AMMECR1L: variants seen among roughly 807,000 people sequenced by gnomAD.
AMMECR1L encodes the protein AMMECR1-like protein.
A neutral mutation model predicts 36.8 loss-of-function variants in AMMECR1L; 4 were observed. The ratio of observed to expected loss-of-function variants is 0.11; its 90% CI spans 0.05 to 0.25. The LOEUF is 0.25. Among genes scored for constraint, AMMECR1L ranks in the 10% least tolerant of loss-of-function variants. The pLI, the probability that AMMECR1L is intolerant of heterozygous loss-of-function variation, is 1.00. For missense variants in AMMECR1L, 232 were observed against 392.1 expected, an observed-to-expected ratio of 0.59 and a Z score of 3.45; for synonymous variants, 147 against 148.0, an observed-to-expected ratio of 0.99 and a Z score of 0.05.
chr2:127,867,993 C>T (rs1371296822), intron 6 of AMMECR1L, among the ~76,000 whole-genome samples: 1 of 152,224 alleles, frequency 6.6e-6, no homozygotes, highest in Non-Finnish European at 1.5e-5. Context: ...CCACCTCAGC[C>T]ACCCAACTAG....
At position 127,865,636 on chromosome 2, in the gene AMMECR1L, C is replaced by A. The variant is rs556581684; in HGVS notation, c.822-431G>T. On this transcript the variant is annotated intron_variant, in intron 7 of 7. Coordinates refer to ENST00000272647, the MANE Select transcript of AMMECR1L (RefSeq NM_001199140.2). This position sits in a 1 kb window ranked among gnomAD's most constrained non-coding sequence, Gnocchi z 5.4. The stretch of plus-strand genomic sequence containing the variant: ...TTGACAGAAATGCAACCTCAATTCG[C>A]GTAAGAGCAACAAACAAGTTATTAT... 7.9e-5 allele frequency among the ~76,000 whole-genome samples: 12 copies of A among 152,296 alleles called. No individual in the cohort carries two copies. Among genetic ancestry groups the A allele is most frequent in the African/African-American group, 2.6e-4 (11 of 41,562 alleles).
chr2:127,869,340 G>A lies in AMMECR1L; in HGVS notation c.724+114C>T. 2 of 971,798 alleles carry A rather than the reference G, an allele frequency of 2.1e-6. No homozygotes were observed. The highest frequency in any genetic ancestry group is 3.8e-5 in the Admixed American group (2 of 52,212). The allele number at this position is 971,798 out of a possible 1,614,324, so 60.2% of individuals were successfully genotyped here. ...TTGACAGGTATTAAGAGGCAGAAAG[G>A]CCCTCATTCTCAGCTGCAGTTGGGC... On this transcript the variant is annotated intron_variant, in intron 6 of 7. Coordinates refer to ENST00000272647, the MANE Select transcript of AMMECR1L (RefSeq NM_001199140.2). This position sits in a 1 kb window ranked among gnomAD's most constrained non-coding sequence, Gnocchi z 4.7.
At chr2:127,870,787 CAG>C in intron 5 of AMMECR1L, 25 bp downstream of exon 5, 4 of 1,567,860 alleles carry the variant, frequency 2.6e-6, no homozygotes, top group Non-Finnish European at 3.5e-6. Flanking sequence ...ACGAGAGATG[CAG>C]AGTTCCAAAT....
At chr2:127,875,583 C>T (rs1166093360) in intron 2 of AMMECR1L, among the ~76,000 whole-genome samples, 1 of 152,200 alleles carries the variant, frequency 6.6e-6, no homozygotes, top group Admixed American at 6.5e-5. Context: ...TTCTAAACAA[C>T]TTGTCACTTT....
chr2:127,874,278 CA>C lies in AMMECR1L; in HGVS notation c.-38-7del, dbSNP rs1691125008. The C allele has an allele frequency of 2.5e-6, 4 of 1,590,550 alleles. No individual in the cohort carries two copies. The highest frequency in any genetic ancestry group is 3.4e-6 in the Non-Finnish European group (4 of 1,174,128). On this transcript the variant is annotated splice_polypyrimidine_tract_variant and splice_region_variant and intron_variant, in intron 2 of 7. Coordinates refer to ENST00000272647, the MANE Select transcript of AMMECR1L (RefSeq NM_001199140.2). This position sits in a 1 kb window ranked among gnomAD's most constrained non-coding sequence, Gnocchi z 5.2. ...GTCTGGAATGCTGCAGAACCCTAAC[CA>C]AAATGAGAAGTTAAGCATTAATTTG...
At chr2:127,885,380 G>A (rs1465233330) in intron 1 of AMMECR1L, 1 of 980,538 alleles carries the variant, frequency 1.0e-6, no homozygotes, top group Non-Finnish European at 1.2e-6. Context: ...GGGCCGAGCC[G>A]CGGGGGTGGA....
At position 127,873,029 on chromosome 2, in the gene AMMECR1L, T is replaced by A; in HGVS notation, c.407+799A>T. ...GAAGAGGCTCCTTTTCTTCACACCC[T>A]CTCCATGCCCCAGCCAAGGTTTTGT... is the stretch of plus-strand genomic sequence containing the variant. On this transcript the variant is annotated intron_variant, in intron 3 of 7. Transcript: ENST00000272647. This position sits in a 1 kb window ranked among gnomAD's most constrained non-coding sequence, Gnocchi z 5.2. 1 of 985,242 alleles carries A rather than the reference T, an allele frequency of 1.0e-6. No homozygotes were observed. The highest frequency in any genetic ancestry group is 1.2e-6 in the Non-Finnish European group (1 of 829,888). The allele number at this position is 985,242 out of a possible 1,614,324, so 61.0% of individuals were successfully genotyped here. A position where few individuals can be genotyped will look rare whatever the true frequency, so the allele number is the denominator to read the frequency against.
intron 2 of AMMECR1L, among the ~76,000 whole-genome samples, chr2:127,877,896 T>C (rs1243261956): frequency 6.6e-6 from 1 of 151,844 alleles, no homozygotes; most frequent in East Asian, 1.9e-4. Flanking sequence ...CATCTGTCTC[T>C]ACATAAAATA....
intron 2 of AMMECR1L, among the ~76,000 whole-genome samples, chr2:127,875,488 T>A (rs995223236): frequency 6.6e-6 from 1 of 152,200 alleles, no homozygotes; most frequent in South Asian, 2.1e-4. Flanking sequence ...TAGGCATTGA[T>A]CTACAAATAG....
chr2:127,877,904 A>C (rs1043046354), intron 2 of AMMECR1L, among the ~76,000 whole-genome samples: 6 of 151,958 alleles, frequency 3.9e-5, no homozygotes, highest in African/African-American at 1.5e-4. Flanking sequence ...TCTACATAAA[A>C]TAAATTAGCT....
In AMMECR1L at chr2:127,865,063, G is replaced by A. The variant is rs376646470; in HGVS notation, c.*31C>T. 9.3e-5 allele frequency: 139 copies of A among 1,501,758 alleles called. No homozygotes were observed. The Middle Eastern group carries it at 1.4e-3, about 15-fold the overall frequency. The allele number at this position is 1,501,758 out of a possible 1,614,324, so 93.0% of individuals were successfully genotyped here. On this transcript the variant is annotated 3_prime_UTR_variant, in exon 8 of 8. Coordinates refer to ENST00000272647, the MANE Select transcript of AMMECR1L (RefSeq NM_001199140.2). This position sits in a 1 kb window ranked among gnomAD's most constrained non-coding sequence, Gnocchi z 5.4. Reference sequence around the variant, plus strand: ...TGATGTCATAGCCATTGGTGGCCACGGGGGGGTGGGACTGGTCATGCAGCC... The same window carrying A: ...TGATGTCATAGCCATTGGTGGCCACAGGGGGGTGGGACTGGTCATGCAGCC...
Position 127,871,308 on chromosome 2 carries a change from G to A in AMMECR1L, c.459C>T (p.Cys153=). ...KTGRDKRLRG[C]IGTFSAMNLH... is the part of the protein sequence containing the mutation. ...GATTCATGGCTGAGAAGGTCCCAAT[G>A]CAGCCACGAAGCCGCTTGTCCCGCC... The change falls in exon 4 of 8, where the codon TGC becomes TGT. Residue 153 remains cysteine (C), a synonymous_variant. Coordinates refer to ENST00000272647, the MANE Select transcript of AMMECR1L (RefSeq NM_001199140.2). This position sits in a 1 kb window ranked among gnomAD's most constrained non-coding sequence, Gnocchi z 4.3. 1 of 1,614,130 alleles carries A rather than the reference G, an allele frequency of 6.2e-7. No homozygotes were observed. The highest frequency in any genetic ancestry group is 8.5e-7 in the Non-Finnish European group (1 of 1,180,032).
chr2:127,864,434 G>A lies in AMMECR1L; in HGVS notation c.*660C>T, dbSNP rs1690595160. ...GAAAATCCAACTGAGAGTGGGATGA[G>A]GATGAAAATCTTCACGGCCTACTGA... On this transcript the variant is annotated 3_prime_UTR_variant, in exon 8 of 8. Coordinates refer to ENST00000272647, the MANE Select transcript of AMMECR1L (RefSeq NM_001199140.2). The A allele has an allele frequency of 6.6e-6, 1 of 152,584 alleles. No individual in the cohort carries two copies. Among genetic ancestry groups the A allele is most frequent in the African/African-American group, 2.4e-5 (1 of 41,434 alleles). 9.5% of individuals were successfully genotyped at this position (152,584 alleles called of 1,614,324 possible).
At chr2:127,866,723 G>A (rs1481320114) in intron 7 of AMMECR1L, among the ~76,000 whole-genome samples, 177 bp downstream of exon 7, 1 of 152,192 alleles carries the variant, frequency 6.6e-6, no homozygotes, top group African/African-American at 2.4e-5. Flanking sequence ...GAGACACACA[G>A]GATGCTGGGA....
intron 2 of AMMECR1L, among the ~76,000 whole-genome samples, chr2:127,875,582 A>T (rs1425815103): frequency 6.6e-6 from 1 of 152,166 alleles, no homozygotes; most frequent in Admixed American, 6.5e-5. Flanking sequence ...TTTCTAAACA[A>T]CTTGTCACTT....
rs1352661485 is a variant in AMMECR1L, at chr2:127,869,014, C to T, written c.724+440G>A. 2.0e-5 allele frequency among the ~76,000 whole-genome samples: 3 copies of T among 152,250 alleles called. No individual in the cohort carries two copies. Among genetic ancestry groups the T allele is most frequent in the East Asian group, 1.9e-4 (1 of 5,184 alleles). On this transcript the variant is annotated intron_variant, in intron 6 of 7. Coordinates refer to ENST00000272647, the MANE Select transcript of AMMECR1L (RefSeq NM_001199140.2). This position sits in a 1 kb window ranked among gnomAD's most constrained non-coding sequence, Gnocchi z 4.7. ...CTGGGATTATAGGAGTAAGCCACCACGCCTGGCCGACTACTGAGTTCTTTA... is the reference window on the plus strand; with the variant it reads ...CTGGGATTATAGGAGTAAGCCACCATGCCTGGCCGACTACTGAGTTCTTTA...
intron 2 of AMMECR1L, among the ~76,000 whole-genome samples, chr2:127,877,167 G>T (rs989167015): frequency 6.6e-6 from 1 of 151,490 alleles, no homozygotes; most frequent in African/African-American, 2.4e-5. Context: ...CAACTCCTGG[G>T]GGGCCAGTAC....
intron 6 of AMMECR1L, chr2:127,867,272 A>G: frequency 1.0e-6 from 1 of 985,474 alleles, no homozygotes. Flanking sequence ...TTACCCCAGT[A>G]TAATTATCTA....
At chr2:127,868,698 G>A (rs561208165) in intron 6 of AMMECR1L, among the ~76,000 whole-genome samples, 1 of 151,688 alleles carries the variant, frequency 6.6e-6, no homozygotes, top group Non-Finnish European at 1.5e-5. Context: ...TACCTTTAAC[G>A]TCCCCATCAG....
Sources: allele counts gnomAD v4.1 joint callset (sites outside exome capture counted in the v4.1 genomes callset), GRCh38; gene constraint gnomAD v4.1.1; non-coding constraint Gnocchi (gnomAD v3.1); transcripts MANE v1.5; gene names NCBI Gene and HGNC (gene_info 2026-07-23, HGNC 2026-07-21).